The following BBS9 variants were observed in gnomAD, a reference collection of about 807,000 sequenced individuals.
BBS9 encodes Bardet-Biedl syndrome 9, also known as protein PTHB1.
BBS9 carries 89 observed loss-of-function variants against 117.7 expected under a neutral mutation model. That is an observed-to-expected ratio of 0.76 (90% CI 0.64 to 0.90). The LOEUF is 0.90. BBS9 is among the 40% of genes least tolerant of loss of function. The probability of loss-of-function intolerance (pLI) is 0.00; values close to 1 mark genes in which losing one functional copy is unlikely to be tolerated. For synonymous variants in BBS9, 379 were observed against 370.9 expected, an observed-to-expected ratio of 1.02 and a Z score of -0.25; for missense variants, 982 against 1,042.2, an observed-to-expected ratio of 0.94 and a Z score of 0.80.
At chr7:33,494,065 CTGCTGA>C (rs1844390335) in intron 19 of BBS9, among the ~76,000 whole-genome samples, 1 of 152,100 alleles carries the variant, frequency 6.6e-6, no homozygotes, top group Admixed American at 6.5e-5. Context: ...GTGGGTTTTG[CTGCTGA>C]TGAGAAGGAT....
intron 20 of BBS9, among the ~76,000 whole-genome samples, chr7:33,522,075 T>G (rs897374094): frequency 1.3e-5 from 2 of 151,788 alleles, no homozygotes; most frequent in African/African-American, 2.4e-5. Context: ...AGGACATGAA[T>G]TCATCATTTT....
At chr7:33,161,868 C>A (rs1202842917) in intron 4 of BBS9, among the ~76,000 whole-genome samples, 1 of 152,174 alleles carries the variant, frequency 6.6e-6, no homozygotes, top group Non-Finnish European at 1.5e-5. Context: ...TCTCTGATGA[C>A]CAGTGATGAT....
chr7:33,624,812 A>G (rs1468186734), intron 21 of BBS9, among the ~76,000 whole-genome samples: 2 of 152,228 alleles, frequency 1.3e-5, no homozygotes, highest in East Asian at 1.9e-4. Context: ...TGTAAAATAG[A>G]ATAGTCCTGG....
intron 5 of BBS9, among the ~76,000 whole-genome samples, chr7:33,231,049 A>C (rs1478237090): frequency 2.0e-5 from 3 of 152,174 alleles, no homozygotes; most frequent in African/African-American, 7.2e-5. Context: ...GCAGAGTACA[A>C]GTGTTCCCTT....
intron 21 of BBS9, among the ~76,000 whole-genome samples, chr7:33,574,719 A>ATG (rs1858457915): frequency 1.4e-5 from 2 of 147,610 alleles, no homozygotes; most frequent in South Asian, 4.4e-4. Flanking sequence ...ACACACACAC[A>ATG]CACACACGCG....
At position 33,492,811 on chromosome 7, in the gene BBS9, A is replaced by AGTGTGTGTGTGTGT. The variant is rs57870306; in HGVS notation, c.2116-12621_2116-12608dup. 2.9e-3 allele frequency among the ~76,000 whole-genome samples: 385 copies of AGTGTGTGTGTGTGT among 131,656 alleles called. 8 individuals carry two copies. Among genetic ancestry groups the AGTGTGTGTGTGTGT allele is most frequent in the African/African-American group, 5.7e-3 (192 of 33,500 alleles). The allele number at this position is 131,656 out of a possible 152,430, so 86.4% of individuals were successfully genotyped here. On this transcript the variant is annotated intron_variant, in intron 19 of 22. Transcript: ENST00000242067. ...GCACTTATCATCTAGTATAGGAGTG[A>AGTGTGTGTGTGTGT]GTGTGTGTGTGTGTGTGTGTGTGTG... is the stretch of plus-strand genomic sequence containing the variant.
Position 33,537,433 on chromosome 7 carries a change from T to C in BBS9, c.2521+3257T>C, listed in dbSNP as rs115085548. ...TTCTCTATCAGTTTTTCCCTTAACCTTTTCTGGTGAACTTTTTGTTGTTGT... is the reference window on the plus strand; with the variant it reads ...TTCTCTATCAGTTTTTCCCTTAACCCTTTCTGGTGAACTTTTTGTTGTTGT... On this transcript the variant is annotated intron_variant, in intron 21 of 22. Transcript: ENST00000242067. Among the ~76,000 whole-genome samples the C allele has an allele frequency of 1.6e-3, 246 of 152,336 alleles. 1 individual carries two copies. Among genetic ancestry groups the C allele is most frequent in the African/African-American group, 5.8e-3 (242 of 41,582 alleles).
At chr7:33,258,113 A>G (rs1165608629) in intron 6 of BBS9, among the ~76,000 whole-genome samples, 1 of 152,216 alleles carries the variant, frequency 6.6e-6, no homozygotes, top group African/African-American at 2.4e-5. Context: ...TTATTGGCAG[A>G]GAGAATGGGG....
At chr7:33,431,825 C>G (rs369439090) in intron 19 of BBS9, among the ~76,000 whole-genome samples, 6 of 152,168 alleles carry the variant, frequency 3.9e-5, no homozygotes, top group African/African-American at 4.8e-5. Context: ...GATGTGTGGT[C>G]GACATAATAC....
intron 9 of BBS9, among the ~76,000 whole-genome samples, chr7:33,334,859 G>A (rs145706615): frequency 1.3e-5 from 2 of 152,314 alleles, no homozygotes; most frequent in East Asian, 3.9e-4. Flanking sequence ...TTCTTTAGCT[G>A]TTGAACCAGT....
At chr7:33,199,152 C>A (rs777652670) in intron 5 of BBS9, among the ~76,000 whole-genome samples, 7 of 151,984 alleles carry the variant, frequency 4.6e-5, no homozygotes, top group African/African-American at 1.7e-4. Flanking sequence ...TTGGCTCCAT[C>A]ATTCATCCCT....
At chr7:33,468,774 G>A (rs1302683401) in intron 19 of BBS9, among the ~76,000 whole-genome samples, 1 of 152,030 alleles carries the variant, frequency 6.6e-6, no homozygotes, top group Non-Finnish European at 1.5e-5. Context: ...GTCTTTCTGT[G>A]CCTGGCTTAT....
intron 19 of BBS9, among the ~76,000 whole-genome samples, chr7:33,502,821 A>T (rs995679796): frequency 1.3e-5 from 2 of 152,292 alleles, no homozygotes; most frequent in African/African-American, 4.8e-5. Context: ...TCTTTCATCT[A>T]CTAGGTGATG....
At chr7:33,516,746 C>G (rs562900655) in intron 20 of BBS9, among the ~76,000 whole-genome samples, 1 of 152,222 alleles carries the variant, frequency 6.6e-6, no homozygotes, top group South Asian at 2.1e-4. Flanking sequence ...CATGTATAAA[C>G]AGTGAGAAGT....
chr7:33,278,781 T>G (rs1324474918), intron 9 of BBS9, among the ~76,000 whole-genome samples: 1 of 152,166 alleles, frequency 6.6e-6, no homozygotes, highest in Non-Finnish European at 1.5e-5. Context: ...CTAGGTCTGT[T>G]ATACTGGAGG....
At chr7:33,409,871 CT>C (rs1438790685) in intron 19 of BBS9, among the ~76,000 whole-genome samples, 3 of 152,206 alleles carry the variant, frequency 2.0e-5, no homozygotes, top group East Asian at 1.9e-4. Context: ...ATGTATTTCC[CT>C]TTTTTTCCCT....
intron 19 of BBS9, among the ~76,000 whole-genome samples, chr7:33,438,463 G>C (rs1835644413): frequency 6.6e-6 from 1 of 152,184 alleles, no homozygotes; most frequent in South Asian, 2.1e-4. Flanking sequence ...AAGAATAACG[G>C]GTCCAGTAGA....
chr7:33,332,997 CT>C (rs1473880061), intron 9 of BBS9, among the ~76,000 whole-genome samples: 2 of 152,136 alleles, frequency 1.3e-5, no homozygotes, highest in African/African-American at 4.8e-5. Context: ...TCTCAACCCC[CT>C]CCCCCAGCCC....
intron 19 of BBS9, among the ~76,000 whole-genome samples, chr7:33,447,924 T>C (rs1837230512): frequency 6.6e-6 from 1 of 152,196 alleles, no homozygotes; most frequent in Non-Finnish European, 1.5e-5. Flanking sequence ...TCCACTTTTG[T>C]TTGAGAAGTA....
Sources: gnomAD v4.1 joint callset for allele counts (sites outside exome capture counted in the v4.1 genomes callset) on GRCh38, gnomAD v4.1.1 for gene constraint, MANE v1.5 for transcripts, NCBI Gene and HGNC (gene_info 2026-07-23, HGNC 2026-07-21) for gene names.